The following EML6 variants were observed in gnomAD, a reference collection of about 807,000 sequenced individuals.
The protein encoded by EML6 is EMAP like 6, also known as echinoderm microtubule-associated protein-like 6.
Under a neutral mutation model 240.1 loss-of-function variants are expected in EML6, and 154 were observed. The ratio of observed to expected loss-of-function variants is 0.64; its 90% confidence interval spans 0.56 to 0.73. The LOEUF is 0.73. Among genes scored for constraint, EML6 ranks in the 30% least tolerant of loss-of-function variants. The pLI, the probability that EML6 is intolerant of heterozygous loss-of-function variation, is 0.00. For missense variants in EML6, 2,964 were observed against 2,474.6 expected (o/e 1.20, Z -4.20); for synonymous variants, 1,148 against 899.0 (o/e 1.28, Z -4.95).
At chr2:54,926,847 C>T (rs953580579) in intron 26 of EML6, among the ~76,000 whole-genome samples, 3 of 152,050 alleles carry the variant, frequency 2.0e-5, no homozygotes, top group African/African-American at 7.2e-5. Context: ...AGTCTGTTTC[C>T]TTGAACCTTT....
intron 13 of EML6, among the ~76,000 whole-genome samples, chr2:54,864,746 AGGAT>A (rs1399261319): frequency 6.6e-6 from 1 of 152,234 alleles, no homozygotes; most frequent in Admixed American, 6.5e-5. Context: ...TTGTCGTATT[AGGAT>A]AACAATGCTT....
intron 38 of EML6, among the ~76,000 whole-genome samples, chr2:54,965,580 G>T (rs1010736430): frequency 1.3e-5 from 2 of 152,156 alleles, no homozygotes; most frequent in African/African-American, 4.8e-5. Context: ...GGATAATTTG[G>T]TGGGTGGGGG....
intron 28 of EML6, among the ~76,000 whole-genome samples, chr2:54,937,358 G>T (rs1309332428): frequency 6.6e-6 from 1 of 151,746 alleles, no homozygotes; most frequent in African/African-American, 2.4e-5. Context: ...GCCGAGGCAG[G>T]AGGATGGCTT....
chr2:54,906,913 C>A (rs1345009590), intron 24 of EML6, among the ~76,000 whole-genome samples: 1 of 152,192 alleles, frequency 6.6e-6, no homozygotes, highest in Non-Finnish European at 1.5e-5. Context: ...GGTTCTGTTT[C>A]ATGCCTTTGA....
At chr2:54,929,388 G>C (rs369220119) in intron 28 of EML6, among the ~76,000 whole-genome samples, 1 of 152,066 alleles carries the variant, frequency 6.6e-6, no homozygotes, top group African/African-American at 2.4e-5. Flanking sequence ...AAACACTTTA[G>C]CATTTCTAAA....
chr2:54,873,668 A>C (rs967148185), intron 16 of EML6, among the ~76,000 whole-genome samples: 1 of 147,190 alleles, frequency 6.8e-6, no homozygotes, highest in Non-Finnish European at 1.5e-5. Context: ...TTTTGCTAGC[A>C]GACAAATATA....
chr2:54,893,713 C>A (rs1302485331), intron 19 of EML6, among the ~76,000 whole-genome samples: 1 of 152,310 alleles, frequency 6.6e-6, no homozygotes, highest in East Asian at 1.9e-4. Flanking sequence ...TTGAAGCCAC[C>A]TACTACTCCT....
Position 54,847,518 on chromosome 2 carries a change from C to A in EML6, c.1082C>A (p.Ala361Asp). 6.4e-7 allele frequency: 1 copy of A among 1,551,906 alleles called. No homozygotes were observed. The highest frequency in any genetic ancestry group is 8.7e-7 in the Non-Finnish European group (1 of 1,147,062). ...AGCCTGGCTGATCATGCCTTGATCGCCCGCTGTAACATGGAAGAGGCGGTT... is the reference window on the plus strand; with the variant it reads ...AGCCTGGCTGATCATGCCTTGATCGACCGCTGTAACATGGAAGAGGCGGTT... ...LWSLADHALIARCNMEEAVRS... is the reference protein window; with the variant it reads ...LWSLADHALIDRCNMEEAVRS... The change falls in exon 9 of 42, where the codon GCC (alanine) becomes GAC (aspartate). Residue 361 changes from alanine (A) to aspartate (D), a missense_variant. Physicochemically the swap from Ala to Asp is moderately radical, Grantham distance 126. Coordinates refer to ENST00000356458, the MANE Select transcript of EML6 (RefSeq NM_001039753.4).
At chr2:54,913,126 C>G (rs947482218) in intron 25 of EML6, among the ~76,000 whole-genome samples, 2 of 144,806 alleles carry the variant, frequency 1.4e-5, no homozygotes, top group African/African-American at 2.6e-5. Context: ...GGGTGTGAGA[C>G]AGCATCTTGT....
At chr2:54,886,160 CTTTTTT>C (rs869107962) in intron 17 of EML6, among the ~76,000 whole-genome samples, 4 of 82,216 alleles carry the variant, frequency 4.9e-5, no homozygotes, top group Non-Finnish European at 9.5e-5. Context: ...TTTTAACCTT[CTTTTTT>C]TTTTTTTTTT....
At chr2:54,782,912 C>G (rs1251895514) in intron 2 of EML6, among the ~76,000 whole-genome samples, 1 of 152,102 alleles carries the variant, frequency 6.6e-6, no homozygotes, top group South Asian at 2.1e-4. Context: ...AAGGTTAGCA[C>G]CTAATTTAGG....
Position 54,757,400 on chromosome 2 carries a change from T to A in EML6, c.197+32142T>A, listed in dbSNP as rs1026524781. 3.0e-4 allele frequency among the ~76,000 whole-genome samples: 46 copies of A among 152,150 alleles called. 1 individual carries two copies. Among genetic ancestry groups the A allele is most frequent in the African/African-American group, 1.1e-3 (46 of 41,418 alleles). ...CAATGGAGGATGCTGTAATACAATG[T>A]CAGGATGGAGGGGCATTTTCTCTTG... On this transcript the variant is annotated intron_variant, in intron 2 of 41. Transcript: ENST00000356458.
At chr2:54,823,850 T>TATTCTCTCTCTCTCTCTCTCTC (rs1553387708) in intron 5 of EML6, among the ~76,000 whole-genome samples, 1 of 72,262 alleles carries the variant, frequency 1.4e-5, no homozygotes, top group Non-Finnish European at 2.9e-5. Context: ...CATTCATTCA[T>TATTCTCTCTCTCTCTCTCTCTC]TCTCTCTCTC....
intron 2 of EML6, among the ~76,000 whole-genome samples, chr2:54,737,841 C>G (rs1045329893): frequency 6.6e-6 from 1 of 152,154 alleles, no homozygotes; most frequent in African/African-American, 2.4e-5. Flanking sequence ...GATTTGGCCC[C>G]TTTTACCTCT....
chr2:54,862,247 G>A (rs1214340225), intron 12 of EML6, among the ~76,000 whole-genome samples: 2 of 148,510 alleles, frequency 1.3e-5, no homozygotes, highest in African/African-American at 5.0e-5. Context: ...GCTGAGGCAG[G>A]AGAATTGCTT....
chr2:54,871,476 A>G (rs1390370164), intron 15 of EML6, 24 bp from the exon 16 acceptor site: 30 of 1,504,596 alleles, frequency 2.0e-5, no homozygotes, highest in Admixed American at 1.6e-4. Context: ...TTAGTAGTTA[A>G]TAACAGTCAT....
intron 28 of EML6, among the ~76,000 whole-genome samples, chr2:54,930,163 C>T (rs1306231540): frequency 2.0e-5 from 3 of 152,144 alleles, no homozygotes; most frequent in Non-Finnish European, 4.4e-5. Flanking sequence ...TTGACATGGC[C>T]ATTATCCCAA....
chr2:54,872,342 T>C lies in EML6; in HGVS notation c.2344+737T>C, dbSNP rs1025082846. Among the ~76,000 whole-genome samples, 4 of 152,248 alleles carry C rather than the reference T, an allele frequency of 2.6e-5. No individual in the cohort carries two copies. The East Asian group carries it at 5.8e-4, about 22-fold the overall frequency. On this transcript the variant is annotated intron_variant, in intron 16 of 41. Coordinates refer to ENST00000356458, the MANE Select transcript of EML6 (RefSeq NM_001039753.4). ...AACTTTGTACAGAATGCTGATTTTA[T>C]AATTTTTTTCTAAATTTTATTCAAA...
intron 2 of EML6, among the ~76,000 whole-genome samples, chr2:54,737,256 G>A (rs1292893158): frequency 1.3e-5 from 2 of 152,142 alleles, no homozygotes; most frequent in African/African-American, 2.4e-5. Flanking sequence ...GTTCAGTAAC[G>A]ATGACAGCAG....
Sources: allele counts gnomAD v4.1 joint callset (sites outside exome capture counted in the v4.1 genomes callset), GRCh38; gene constraint gnomAD v4.1.1; transcripts MANE v1.5; gene names NCBI Gene and HGNC (gene_info 2026-07-23, HGNC 2026-07-21).